The following CMC1 variants were observed in gnomAD, a reference collection of about 807,000 sequenced individuals.
CMC1 encodes the protein C-X9-C motif containing 1, also known as COX assembly mitochondrial protein homolog.
CMC1 carries 14 observed loss-of-function variants against 14.1 expected under a neutral mutation model. The observed-to-expected ratio is 0.99, with a 90% CI of 0.66 to 1.55. The LOEUF (loss-of-function observed/expected upper bound fraction) is 1.55, where lower values mean the gene tolerates loss of function less well. Ranked by LOEUF, CMC1 falls within the 40% of genes most tolerant of loss-of-function variation. CMC1 has a pLI of 0.00. For missense variants in CMC1, 127 were observed against 123.8 expected, an observed-to-expected ratio of 1.03 and a Z score of -0.12; for synonymous variants, 50 against 38.4, an observed-to-expected ratio of 1.30 and a Z score of -1.12.
At chr3:28,249,039 C>G (rs1044432404) in intron 1 of CMC1, among the ~76,000 whole-genome samples, 1 of 152,186 alleles carries the variant, frequency 6.6e-6, no homozygotes, top group Non-Finnish European at 1.5e-5. Context: ...ATCTGCCTGC[C>G]TCAGCCTCCC....
At position 28,321,389 on chromosome 3, in the gene CMC1, T is replaced by C. The variant is rs149403307; in HGVS notation, c.*1760T>C. The C allele has an allele frequency of 7.3e-5, 11 of 151,610 alleles. No homozygotes were observed. The highest frequency in any genetic ancestry group is 1.3e-4 in the Non-Finnish European group (9 of 67,578). The allele number at this position is 151,610 out of a possible 1,614,324, so 9.4% of individuals were successfully genotyped here. ...CCACTTCATGTAGAAAATTCACTTATGTACATGTTGCTTTCCCCATAGAAG... is the reference window on the plus strand; with the variant it reads ...CCACTTCATGTAGAAAATTCACTTACGTACATGTTGCTTTCCCCATAGAAG... On this transcript the variant is annotated 3_prime_UTR_variant, in exon 4 of 4. Coordinates refer to ENST00000466830, the MANE Select transcript of CMC1 (RefSeq NM_182523.2).
chr3:28,295,782 C>T lies in CMC1; in HGVS notation c.110-20551C>T, dbSNP rs550455412. Among the ~76,000 whole-genome samples the T allele has an allele frequency of 1.1e-4, 16 of 152,128 alleles. No homozygotes were observed. In the South Asian group the frequency reaches 2.3e-3, roughly 22 times the overall value. On this transcript the variant is annotated intron_variant, in intron 2 of 3. Coordinates refer to ENST00000466830, the MANE Select transcript of CMC1 (RefSeq NM_182523.2). ...CACAGGGGATTAGTTACAGGATGCC[C>T]GTCCTTCTCCAGGAAGCCAAAACCT...
intron 1 of CMC1, among the ~76,000 whole-genome samples, chr3:28,245,095 T>A (rs1257839825): frequency 6.6e-5 from 10 of 152,006 alleles, no homozygotes; most frequent in Non-Finnish European, 1.5e-4. Flanking sequence ...CAATTGAGGT[T>A]CATTTAGCAA....
Position 28,321,007 on chromosome 3 carries a change from A to G in CMC1, c.*1378A>G, listed in dbSNP as rs1047822169. ...CTGAGAGATTTTTTTTTAAGAAAGA[A>G]TTTAAATAGGACACTAAAGAATCAA... On this transcript the variant is annotated 3_prime_UTR_variant, in exon 4 of 4. Coordinates refer to ENST00000466830, the MANE Select transcript of CMC1 (RefSeq NM_182523.2). 1.3e-5 allele frequency: 2 copies of G among 151,462 alleles called. No individual in the cohort carries two copies. Among genetic ancestry groups the G allele is most frequent in the Admixed American group, 1.3e-4 (2 of 15,120 alleles). 9.4% of individuals were successfully genotyped at this position (151,462 alleles called of 1,614,324 possible). A position where few individuals can be genotyped will look rare whatever the true frequency, so the allele number is the denominator to read the frequency against.
intron 2 of CMC1, chr3:28,297,261 A>C (rs1420097810): frequency 6.6e-6 from 1 of 152,006 alleles, no homozygotes; most frequent in African/African-American, 2.4e-5. Flanking sequence ...ATATTTAGAG[A>C]GGTTTAGTAA....
intron 2 of CMC1, among the ~76,000 whole-genome samples, chr3:28,282,402 T>C (rs969030176): frequency 6.6e-6 from 1 of 152,238 alleles, no homozygotes; most frequent in Non-Finnish European, 1.5e-5. Context: ...CAGAGATAAC[T>C]GAACAGTCTT....
intron 1 of CMC1, among the ~76,000 whole-genome samples, chr3:28,243,265 A>C (rs1471380663): frequency 6.6e-6 from 1 of 152,058 alleles, no homozygotes; most frequent in Non-Finnish European, 1.5e-5. Flanking sequence ...CGTGTTCGCC[A>C]TGCTGGTCTG....
intron 2 of CMC1, among the ~76,000 whole-genome samples, chr3:28,309,836 C>CACACACACAT (rs2125597015): frequency 6.9e-6 from 1 of 144,076 alleles, no homozygotes; most frequent in African/African-American, 2.8e-5. Flanking sequence ...CACACACACA[C>CACACACACAT]ACACACACAC....
chr3:28,256,240 G>C (rs558500771), intron 1 of CMC1, among the ~76,000 whole-genome samples: 20 of 151,880 alleles, frequency 1.3e-4, no homozygotes, highest in African/African-American at 4.3e-4. Flanking sequence ...AAGAGATCTT[G>C]CAAGAAATTG....
intron 2 of CMC1, chr3:28,315,051 G>C (rs547704416): frequency 1.3e-5 from 2 of 152,224 alleles, no homozygotes; most frequent in East Asian, 3.9e-4. Context: ...TCTTTGTAAG[G>C]ACGATGTTTA....
chr3:28,300,423 A>G (rs560891763), intron 2 of CMC1, among the ~76,000 whole-genome samples: 6 of 152,182 alleles, frequency 3.9e-5, no homozygotes, highest in Non-Finnish European at 8.8e-5. Context: ...CACGAGATAC[A>G]GTAGGGTTCC....
rs561076666 is a variant in CMC1, at chr3:28,248,967, T to G, written c.19+7155T>G. Among the ~76,000 whole-genome samples the G allele has an allele frequency of 2.6e-5, 4 of 152,258 alleles. No individual in the cohort carries two copies. In the East Asian group the frequency reaches 7.7e-4, roughly 29 times the overall value. On this transcript the variant is annotated intron_variant, in intron 1 of 3. Coordinates refer to ENST00000466830, the MANE Select transcript of CMC1 (RefSeq NM_182523.2). ...ACCATGTCCGGCTAATTTTTTTGTA[T>G]TTTTAGTAGAGATGGGGTTTCACTG...
intron 2 of CMC1, among the ~76,000 whole-genome samples, chr3:28,304,792 C>G (rs1702226075): frequency 6.6e-6 from 1 of 152,038 alleles, no homozygotes; most frequent in African/African-American, 2.4e-5. Context: ...TTTACTTGTT[C>G]TGAAAGTTTT....
At position 28,319,692 on chromosome 3, in the gene CMC1, A is replaced by T; in HGVS notation, c.*63A>T. The T allele has an allele frequency of 2.3e-6, 3 of 1,319,020 alleles. No homozygotes were observed. The highest frequency in any genetic ancestry group is 3.1e-6 in the Non-Finnish European group (3 of 952,608). 81.7% of individuals were successfully genotyped at this position (1,319,020 alleles called of 1,614,324 possible). On this transcript the variant is annotated 3_prime_UTR_variant, in exon 4 of 4. Transcript: ENST00000466830. ...ATGGAAGTCATTTTATAGTCCTTAA[A>T]TAATGGACTCAAGCATATATGTTTG...
chr3:28,309,990 C>T (rs1031657399), intron 2 of CMC1, among the ~76,000 whole-genome samples: 2 of 143,732 alleles, frequency 1.4e-5, no homozygotes, highest in African/African-American at 2.6e-5. Context: ...CACACACACA[C>T]GCTAATAGCA....
At chr3:28,265,962 A>G (rs1405094114) in intron 2 of CMC1, among the ~76,000 whole-genome samples, 2 of 152,318 alleles carry the variant, frequency 1.3e-5, no homozygotes, top group Non-Finnish European at 2.9e-5. Flanking sequence ...TGGGTAAGGC[A>G]TTAACCTTCA....
At chr3:28,303,571 G>GATAA (rs1702163038) in intron 2 of CMC1, among the ~76,000 whole-genome samples, 1 of 152,078 alleles carries the variant, frequency 6.6e-6, no homozygotes, top group African/African-American at 2.4e-5. Context: ...AGATAGTCAT[G>GATAA]ATAAAGTACA....
At chr3:28,242,431 T>C (rs541333533) in intron 1 of CMC1, among the ~76,000 whole-genome samples, 1 of 152,334 alleles carries the variant, frequency 6.6e-6, no homozygotes, top group African/African-American at 2.4e-5. Flanking sequence ...TGCAAGGGAA[T>C]AGATAACATT....
At chr3:28,262,313 C>T (rs1559407122) in intron 1 of CMC1, among the ~76,000 whole-genome samples, 1 of 152,012 alleles carries the variant, frequency 6.6e-6, no homozygotes, top group Admixed American at 6.6e-5. Context: ...TTTGTATTTG[C>T]CTCAGTATAT....
Sources: allele counts gnomAD v4.1 joint callset (sites outside exome capture counted in the v4.1 genomes callset), GRCh38; gene constraint gnomAD v4.1.1; transcripts MANE v1.5; gene names NCBI Gene and HGNC (gene_info 2026-07-23, HGNC 2026-07-21).